The following ELL2 variants were observed in gnomAD, a reference collection of about 807,000 sequenced individuals.
The protein encoded by ELL2 is RNA polymerase II elongation factor ELL2.
Under a neutral mutation model 72.8 loss-of-function variants are expected in ELL2, and 21 were observed. That is an observed-to-expected ratio of 0.29 (90% CI 0.20 to 0.42). The LOEUF (loss-of-function observed/expected upper bound fraction) is 0.42, where lower values mean the gene tolerates loss of function less well. ELL2 is among the 10% of genes least tolerant of loss of function. The probability of loss-of-function intolerance (pLI) is 1.00; values close to 1 mark genes in which losing one functional copy is unlikely to be tolerated. For synonymous variants in ELL2, 266 were observed against 283.2 expected, an observed-to-expected ratio of 0.94 and a Z score of 0.61; for missense variants, 568 against 772.8, an observed-to-expected ratio of 0.73 and a Z score of 3.14.
chr5:95,909,224 C>T (rs888432853), intron 4 of ELL2, among the ~76,000 whole-genome samples: 1 of 152,226 alleles, frequency 6.6e-6, no homozygotes, highest in Non-Finnish European at 1.5e-5. Context: ...TAGAGTTTTA[C>T]TTGGGGCCCA....
intron 5 of ELL2, 129 bp from the exon 6 acceptor site, chr5:95,901,209 T>C (rs1447362617): frequency 5.2e-6 from 5 of 966,440 alleles, no homozygotes; most frequent in Non-Finnish European, 7.3e-6. Flanking sequence ...GCTAGTTTTG[T>C]ATTATATGCC....
chr5:95,893,687 G>A (rs926710212), intron 9 of ELL2, among the ~76,000 whole-genome samples: 9 of 152,206 alleles, frequency 5.9e-5, no homozygotes, highest in South Asian at 2.1e-4. Context: ...GCCCGGCCTC[G>A]ATCATTTAGG....
chr5:95,935,117 A>AT (rs921911663), intron 2 of ELL2, among the ~76,000 whole-genome samples: 1 of 152,028 alleles, frequency 6.6e-6, no homozygotes, highest in African/African-American at 2.4e-5. Flanking sequence ...CACTGTTCTC[A>AT]TTTTCATAAC....
intron 2 of ELL2, among the ~76,000 whole-genome samples, chr5:95,942,748 C>T (rs1347463302): frequency 3.3e-5 from 5 of 152,068 alleles, no homozygotes; most frequent in Admixed American, 6.5e-5. Context: ...TAAAAAGGTT[C>T]AAACATGCAA....
chr5:95,938,796 C>T (rs1346109452), intron 2 of ELL2, among the ~76,000 whole-genome samples: 2 of 152,126 alleles, frequency 1.3e-5, no homozygotes, highest in Non-Finnish European at 2.9e-5. Flanking sequence ...ATTGCTGAGT[C>T]TGAAAGTAAG....
chr5:95,961,340 CG>C (rs1751841881), intron 1 of ELL2, among the ~76,000 whole-genome samples: 1 of 151,696 alleles, frequency 6.6e-6, no homozygotes, highest in South Asian at 2.1e-4. Flanking sequence ...CCCAGGGCTG[CG>C]GCTGCCTCGG....
At chr5:95,951,141 G>A (rs1751379910) in intron 1 of ELL2, among the ~76,000 whole-genome samples, 2 of 151,258 alleles carry the variant, frequency 1.3e-5, no homozygotes, top group Non-Finnish European at 2.9e-5. Context: ...AGGCCGACGT[G>A]GGTGGATCAC....
intron 4 of ELL2, among the ~76,000 whole-genome samples, chr5:95,911,001 T>C (rs764966547): frequency 1.3e-5 from 2 of 152,264 alleles, no homozygotes; most frequent in Non-Finnish European, 2.9e-5. Context: ...CGGGTGATTA[T>C]GAGATTCCAA....
At chr5:95,914,821 G>A (rs1749725118) in intron 3 of ELL2, among the ~76,000 whole-genome samples, 1 of 152,070 alleles carries the variant, frequency 6.6e-6, no homozygotes, top group South Asian at 2.1e-4. Flanking sequence ...CTCCAGCCTG[G>A]GCAACAGAAT....
chr5:95,936,687 G>T (rs566402011), intron 2 of ELL2, among the ~76,000 whole-genome samples: 1 of 152,130 alleles, frequency 6.6e-6, no homozygotes, highest in East Asian at 1.9e-4. Flanking sequence ...GTAGGCTGCA[G>T]TGAGCTATGA....
In ELL2 at chr5:95,927,434, C is replaced by CGT. The variant is rs1396959763; in HGVS notation, c.196-7891_196-7890dup. 3.1e-4 allele frequency among the ~76,000 whole-genome samples: 15 copies of CGT among 47,924 alleles called. 3 individuals carry two copies. Among genetic ancestry groups the CGT allele is most frequent in the South Asian group, 2.3e-3 (2 of 888 alleles). 31.4% of individuals were successfully genotyped at this position (47,924 alleles called of 152,430 possible). Reference sequence around the variant, plus strand: ...GTGTGTATATAGACATACACACACACGTGTGTATATAGACATACACACACA... The same window carrying CGT: ...GTGTGTATATAGACATACACACACACGTGTGTGTATATAGACATACACACACA... On this transcript the variant is annotated intron_variant, in intron 2 of 11. Coordinates refer to ENST00000237853, the MANE Select transcript of ELL2 (RefSeq NM_012081.6).
At chr5:95,910,163 AC>A (rs1749528671) in intron 4 of ELL2, among the ~76,000 whole-genome samples, 1 of 150,996 alleles carries the variant, frequency 6.6e-6, no homozygotes, top group Non-Finnish European at 1.5e-5. Flanking sequence ...TCAAATACCC[AC>A]CTTTTTTTTT....
At chr5:95,889,231 C>G (rs1475442965) in intron 10 of ELL2, 101 bp from the exon 11 acceptor site, 1 of 934,756 alleles carries the variant, frequency 1.1e-6, no homozygotes, top group African/African-American at 1.7e-5. Flanking sequence ...GAAATATTGA[C>G]TGTGGGAATG....
rs200069887 is a variant in ELL2 at position 95,921,665 on chromosome 5, A to G, written c.196-2120T>C. Among the ~76,000 whole-genome samples the G allele has an allele frequency of 3.9e-5, 6 of 152,256 alleles. No homozygotes were observed. In the East Asian group the frequency reaches 9.6e-4, roughly 24 times the overall value. On this transcript the variant is annotated intron_variant, in intron 2 of 11. Coordinates refer to ENST00000237853, the MANE Select transcript of ELL2 (RefSeq NM_012081.6). ...CAAAGGAATGCTTGCGTCAGGCACA[A>G]GAGAACATAAGGCTACCTGCATACT...
chr5:95,932,449 G>C (rs1330331482), intron 2 of ELL2, among the ~76,000 whole-genome samples: 1 of 152,162 alleles, frequency 6.6e-6, no homozygotes, highest in Non-Finnish European at 1.5e-5. Context: ...AAGGGCAAAG[G>C]TTTACATATG....
At chr5:95,937,520 T>G (rs1356233456) in intron 2 of ELL2, among the ~76,000 whole-genome samples, 1 of 150,308 alleles carries the variant, frequency 6.7e-6, no homozygotes, top group East Asian at 1.9e-4. Context: ...AAAAAAAGTG[T>G]GTGTGTACGT....
intron 2 of ELL2, among the ~76,000 whole-genome samples, chr5:95,927,155 G>A (rs553205148): frequency 2.0e-5 from 3 of 151,998 alleles, no homozygotes; most frequent in African/African-American, 7.2e-5. Context: ...TGCCATTGTG[G>A]CACATATGTA....
intron 2 of ELL2, among the ~76,000 whole-genome samples, chr5:95,928,297 G>A (rs1317699367): frequency 6.6e-6 from 1 of 152,192 alleles, no homozygotes; most frequent in African/African-American, 2.4e-5. Context: ...TCAAAATGCA[G>A]TCATGGCTGG....
intron 3 of ELL2, 46 bp from the exon 4 acceptor site, chr5:95,913,980 T>A (rs968799209): frequency 1.3e-6 from 2 of 1,503,606 alleles, no homozygotes; most frequent in Non-Finnish European, 8.9e-7. Flanking sequence ...CTTCATTTTG[T>A]ACAATAAAGG....
Sources: gnomAD v4.1 joint callset for allele counts (sites outside exome capture counted in the v4.1 genomes callset) on GRCh38, gnomAD v4.1.1 for gene constraint, MANE v1.5 for transcripts, NCBI Gene and HGNC (gene_info 2026-07-23, HGNC 2026-07-21) for gene names.